ARHGAP24: variants seen among roughly 807,000 people sequenced by gnomAD.
ARHGAP24 encodes rho GTPase-activating protein 24.
In ARHGAP24, 50 loss-of-function variants were observed where a neutral mutation model predicts 76.4. That is an observed-to-expected ratio of 0.65 (90% CI 0.52 to 0.83). The LOEUF (loss-of-function observed/expected upper bound fraction) is 0.83. ARHGAP24 is among the 40% of genes least tolerant of loss of function. The probability of loss-of-function intolerance (pLI) is 0.00; values close to 1 mark genes in which losing one functional copy is unlikely to be tolerated. For synonymous variants in ARHGAP24, 345 were observed against 323.3 expected, an observed-to-expected ratio of 1.07 and a Z score of -0.72; for missense variants, 930 against 914.2, an observed-to-expected ratio of 1.02 and a Z score of -0.22.
chr4:85,995,107 G>A lies in ARHGAP24; in HGVS notation c.1453G>A (p.Gly485Ser). ...TGTACAGAATGGAACGGTGCGCATG[G>A]GCATTTTGAACAGCGACACACTCGG... The part of the protein sequence containing the change: ...HSVQNGTVRM[G>S]ILNSDTLGNP... Residue 485 changes from glycine (G) to serine (S), a missense_variant, in exon 9 of 10, where the codon GGC becomes AGC. Coordinates refer to ENST00000395184, the MANE Select transcript of ARHGAP24 (RefSeq NM_001025616.3). The A allele has an allele frequency of 6.2e-7, 1 of 1,613,970 alleles. No individual in the cohort carries two copies. The highest frequency in any genetic ancestry group is 8.5e-7 in the Non-Finnish European group (1 of 1,180,014).
chr4:85,605,257 T>C (rs891017649), intron 2 of ARHGAP24, among the ~76,000 whole-genome samples: 1 of 152,218 alleles, frequency 6.6e-6, no homozygotes, highest in African/African-American at 2.4e-5. Flanking sequence ...GGAAAATGTA[T>C]TTTTAATCAT....
At chr4:85,945,622 T>C (rs2148827529) in intron 5 of ARHGAP24, among the ~76,000 whole-genome samples, 1 of 151,682 alleles carries the variant, frequency 6.6e-6, no homozygotes. Flanking sequence ...TAGCCAGGCA[T>C]GGTGGCAAGC....
intron 3 of ARHGAP24, among the ~76,000 whole-genome samples, chr4:85,891,267 G>A (rs10000107): frequency 0.2 from 30,036 of 149,124 alleles, 3,109 homozygotes; most frequent in South Asian, 0.3. Context: ...GGGCTGAGAC[G>A]ATGGGGTTTT....
intron 2 of ARHGAP24, among the ~76,000 whole-genome samples, chr4:85,630,912 A>G (rs1275886293): frequency 2.0e-5 from 3 of 152,092 alleles, no homozygotes; most frequent in African/African-American, 7.2e-5. Context: ...TCTTTGTGAT[A>G]CATAGTGTTA....
chr4:85,502,084 C>G (rs573737203), intron 1 of ARHGAP24, among the ~76,000 whole-genome samples: 2 of 152,170 alleles, frequency 1.3e-5, no homozygotes, highest in South Asian at 2.1e-4. Context: ...TGGTCTATAT[C>G]TCTGTTTTGG....
intron 6 of ARHGAP24, among the ~76,000 whole-genome samples, chr4:85,973,341 T>C (rs2148852371): frequency 6.6e-6 from 1 of 152,238 alleles, no homozygotes; most frequent in East Asian, 1.9e-4. Flanking sequence ...TGAAGAAATA[T>C]CTATTCAGAT....
At chr4:85,914,658 A>C (rs1735273610) in intron 3 of ARHGAP24, among the ~76,000 whole-genome samples, 1 of 152,194 alleles carries the variant, frequency 6.6e-6, no homozygotes, top group African/African-American at 2.4e-5. Flanking sequence ...TTTCATGACC[A>C]TTAGGAATGC....
At chr4:85,632,366 G>C (rs937162571) in intron 2 of ARHGAP24, among the ~76,000 whole-genome samples, 8 of 151,972 alleles carry the variant, frequency 5.3e-5, no homozygotes, top group African/African-American at 9.7e-5. Context: ...CGTAACTGGA[G>C]AACTGGGAAC....
chr4:85,783,696 T>C (rs565511434), intron 3 of ARHGAP24, among the ~76,000 whole-genome samples: 6 of 152,312 alleles, frequency 3.9e-5, no homozygotes, highest in Non-Finnish European at 7.4e-5. Context: ...GTTCTCATAC[T>C]AAAGAAAACA....
chr4:85,828,999 G>C (rs1729858598), intron 3 of ARHGAP24, among the ~76,000 whole-genome samples: 1 of 152,052 alleles, frequency 6.6e-6, no homozygotes, highest in Admixed American at 6.5e-5. Flanking sequence ...GAATAATTAT[G>C]AGGGAATACC....
intron 5 of ARHGAP24, among the ~76,000 whole-genome samples, chr4:85,949,088 C>A (rs1737453141): frequency 6.6e-6 from 1 of 152,176 alleles, no homozygotes; most frequent in Non-Finnish European, 1.5e-5. Context: ...CAAGTTGCCG[C>A]AGTCGATAGT....
At chr4:85,682,084 TA>T (rs1029798211) in intron 2 of ARHGAP24, among the ~76,000 whole-genome samples, 3 of 152,204 alleles carry the variant, frequency 2.0e-5, no homozygotes, top group African/African-American at 7.2e-5. Context: ...TCTGGGCTTT[TA>T]AACACTGTGT....
In ARHGAP24 at chr4:85,518,616, G is replaced by T. The variant is rs566930219; in HGVS notation, c.-21+43057G>T. On this transcript the variant is annotated intron_variant, in intron 1 of 9. Transcript: ENST00000395184. Reference sequence around the variant, plus strand: ...CCACATATCAGTGAGAACATACGATGTTTGGTTTTCCATTCCTGAGTTACT... The same window carrying T: ...CCACATATCAGTGAGAACATACGATTTTTGGTTTTCCATTCCTGAGTTACT... 6.4e-4 allele frequency among the ~76,000 whole-genome samples: 97 copies of T among 152,238 alleles called. 1 individual carries two copies. The highest frequency in any genetic ancestry group is 1.2e-3 in the Non-Finnish European group (82 of 68,000).
At chr4:85,658,421 C>T (rs1330782061) in intron 2 of ARHGAP24, among the ~76,000 whole-genome samples, 1 of 152,030 alleles carries the variant, frequency 6.6e-6, no homozygotes, top group Non-Finnish European at 1.5e-5. Context: ...AAAAATTGCT[C>T]TAGTAAAAAG....
chr4:85,903,517 A>C (rs1180122323), intron 3 of ARHGAP24, among the ~76,000 whole-genome samples: 1 of 152,180 alleles, frequency 6.6e-6, no homozygotes, highest in Non-Finnish European at 1.5e-5. Context: ...ATACTAAATT[A>C]ACCATATAAA....
intron 1 of ARHGAP24, among the ~76,000 whole-genome samples, chr4:85,537,762 G>C (rs897613925): frequency 6.6e-6 from 1 of 152,244 alleles, no homozygotes; most frequent in Non-Finnish European, 1.5e-5. Flanking sequence ...AATTATTGCA[G>C]ATTGCCCCTA....
At chr4:85,877,454 A>G (rs1045474083) in intron 3 of ARHGAP24, among the ~76,000 whole-genome samples, 6 of 152,094 alleles carry the variant, frequency 3.9e-5, no homozygotes, top group African/African-American at 1.4e-4. Flanking sequence ...GCAAAATCCC[A>G]TCTCTACAAA....
chr4:85,649,107 TC>T (rs745724067), intron 2 of ARHGAP24, among the ~76,000 whole-genome samples: 4 of 151,912 alleles, frequency 2.6e-5, no homozygotes, highest in Non-Finnish European at 5.9e-5. Context: ...AACTAAGTGT[TC>T]GGCTGATATC....
chr4:85,711,589 C>T lies in ARHGAP24; in HGVS notation c.181-10296C>T, dbSNP rs562677354. Among the ~76,000 whole-genome samples, 3 of 152,254 alleles carry T rather than the reference C, an allele frequency of 2.0e-5. No homozygotes were observed. The South Asian group carries it at 6.2e-4, about 32-fold the overall frequency. On this transcript the variant is annotated intron_variant, in intron 2 of 9. Coordinates refer to ENST00000395184, the MANE Select transcript of ARHGAP24 (RefSeq NM_001025616.3). ...AACTGTGTGATTAAGTCCCAAATTG[C>T]TTCTTCCTGCTGAGACATTGTTCTC... is the stretch of plus-strand genomic sequence containing the variant.
Sources: gnomAD v4.1 joint callset for allele counts (sites outside exome capture counted in the v4.1 genomes callset) on GRCh38, gnomAD v4.1.1 for gene constraint, MANE v1.5 for transcripts, NCBI Gene and HGNC (gene_info 2026-07-23, HGNC 2026-07-21) for gene names.